The following CSMD1 variants were observed in gnomAD, a reference collection of about 807,000 sequenced individuals.
The protein encoded by CSMD1 is CUB and sushi domain-containing protein 1.
In CSMD1, 213 loss-of-function variants were observed where a neutral mutation model predicts 417.5. The observed-to-expected ratio is 0.51, with a 90% CI of 0.46 to 0.57. CSMD1 has a LOEUF of 0.57. Ranked by LOEUF, CSMD1 falls within the 20% of genes least tolerant of loss-of-function variation. The pLI is 0.00. For missense variants in CSMD1, 6,923 were observed against 4,529.7 expected (o/e 1.53, Z -15.17); for synonymous variants, 2,862 against 1,736.8 (o/e 1.65, Z -16.11).
At chr8:4,846,114 C>A (rs1343955208) in intron 1 of CSMD1, among the ~76,000 whole-genome samples, 1 of 152,154 alleles carries the variant, frequency 6.6e-6, no homozygotes, top group Non-Finnish European at 1.5e-5. Context: ...TTCCACGTGG[C>A]CATTGAGTAC....
chr8:4,930,867 G>T (rs749268318), intron 1 of CSMD1, among the ~76,000 whole-genome samples: 1 of 152,162 alleles, frequency 6.6e-6, no homozygotes. Flanking sequence ...TTAATAAAGG[G>T]TTCCCAGAAT....
chr8:4,693,209 C>T (rs1454326074), intron 1 of CSMD1, among the ~76,000 whole-genome samples: 1 of 152,192 alleles, frequency 6.6e-6, no homozygotes, highest in Non-Finnish European at 1.5e-5. Context: ...AGACACCATG[C>T]TCACCCCTTG....
chr8:4,664,260 G>A (rs1421010568), intron 1 of CSMD1, among the ~76,000 whole-genome samples: 5 of 152,186 alleles, frequency 3.3e-5, no homozygotes, highest in African/African-American at 7.2e-5. Context: ...TGTGTGACTA[G>A]TAAGAAGAGA....
chr8:4,405,490 T>A (rs988786329), intron 3 of CSMD1, among the ~76,000 whole-genome samples: 1 of 152,006 alleles, frequency 6.6e-6, no homozygotes, highest in Admixed American at 6.6e-5. Flanking sequence ...TGAAGTGAAG[T>A]CAATGTGCAA....
At chr8:3,074,953 T>C (rs564404320) in intron 49 of CSMD1, among the ~76,000 whole-genome samples, 8 of 152,264 alleles carry the variant, frequency 5.3e-5, no homozygotes, top group African/African-American at 1.9e-4. Context: ...AGGGAGGTGA[T>C]TGGATGATGG....
At chr8:3,066,059 T>C (rs1812918201) in intron 49 of CSMD1, among the ~76,000 whole-genome samples, 1 of 152,100 alleles carries the variant, frequency 6.6e-6, no homozygotes, top group Non-Finnish European at 1.5e-5. Context: ...TTCCAAAGGT[T>C]ACAGAAAAAT....
chr8:4,063,594 G>A (rs1004991386), intron 3 of CSMD1, among the ~76,000 whole-genome samples: 4 of 152,144 alleles, frequency 2.6e-5, no homozygotes, highest in Admixed American at 2.6e-4. Flanking sequence ...GCACTGACAA[G>A]GTGCCACGTA....
At chr8:4,666,174 C>T (rs1476036273) in intron 1 of CSMD1, among the ~76,000 whole-genome samples, 2 of 152,084 alleles carry the variant, frequency 1.3e-5, no homozygotes, top group Non-Finnish European at 2.9e-5. Flanking sequence ...GAATAATGAC[C>T]TCCCAAGGAT....
At position 3,612,898 on chromosome 8, in the gene CSMD1, G is replaced by C. The variant is rs115664835; in HGVS notation, c.1097+3812C>G. Among the ~76,000 whole-genome samples the C allele has an allele frequency of 6.1e-3, 934 of 152,122 alleles. 7 individuals are homozygous for C. The highest frequency in any genetic ancestry group is 0.02 in the African/African-American group (850 of 41,558). Reference sequence around the variant, plus strand: ...AAAAGAAGAACAAATGGAGCCCATAGTAAACAGAGGAAATAAATTAATAAG... The same window carrying C: ...AAAAGAAGAACAAATGGAGCCCATACTAAACAGAGGAAATAAATTAATAAG... On this transcript the variant is annotated intron_variant, in intron 8 of 69. Transcript: ENST00000635120.
intron 2 of CSMD1, among the ~76,000 whole-genome samples, chr8:4,602,131 C>T (rs547091914): frequency 1.8e-4 from 27 of 152,262 alleles, no homozygotes; most frequent in Non-Finnish European, 3.4e-4. Flanking sequence ...TCTTTCTGCT[C>T]CCCCAGTTCC....
At chr8:4,079,728 T>C (rs1385843631) in intron 3 of CSMD1, among the ~76,000 whole-genome samples, 1 of 152,196 alleles carries the variant, frequency 6.6e-6, no homozygotes, top group Non-Finnish European at 1.5e-5. Context: ...AATAGCCCAA[T>C]GGATATTTTT....
At chr8:3,565,678 A>G (rs1443291593) in intron 10 of CSMD1, among the ~76,000 whole-genome samples, 2 of 152,194 alleles carry the variant, frequency 1.3e-5, no homozygotes, top group South Asian at 2.1e-4. Flanking sequence ...TCTGATAAAC[A>G]TATCAGGATT....
intron 2 of CSMD1, among the ~76,000 whole-genome samples, chr8:4,485,623 A>T (rs1398702854): frequency 6.6e-6 from 1 of 152,148 alleles, no homozygotes; most frequent in Non-Finnish European, 1.5e-5. Flanking sequence ...GCTTTCTACT[A>T]TTAAAATTGA....
chr8:3,684,440 G>A (rs1218934604), intron 7 of CSMD1, among the ~76,000 whole-genome samples: 1 of 149,670 alleles, frequency 6.7e-6, no homozygotes, highest in African/African-American at 2.5e-5. Flanking sequence ...ATGACTCATA[G>A]TACTTAACAA....
At chr8:4,157,697 G>A (rs13270571) in intron 3 of CSMD1, among the ~76,000 whole-genome samples, 6 of 151,956 alleles carry the variant, frequency 3.9e-5, no homozygotes, top group Non-Finnish European at 7.4e-5. Flanking sequence ...AACCGGCCTT[G>A]GGTGGGTCTG....
At chr8:4,560,657 A>T (rs900665335) in intron 2 of CSMD1, among the ~76,000 whole-genome samples, 4 of 152,198 alleles carry the variant, frequency 2.6e-5, no homozygotes, top group African/African-American at 9.7e-5. Flanking sequence ...AAGACTTCTG[A>T]ATAAAACAAC....
chr8:4,943,027 G>C (rs1213526481), intron 1 of CSMD1, among the ~76,000 whole-genome samples: 1 of 152,132 alleles, frequency 6.6e-6, no homozygotes, highest in Non-Finnish European at 1.5e-5. Context: ...GGCTTTCTTT[G>C]AGGAAGACCA....
intron 41 of CSMD1, among the ~76,000 whole-genome samples, chr8:3,134,490 T>C (rs1817969091): frequency 6.6e-6 from 1 of 152,254 alleles, no homozygotes; most frequent in African/African-American, 2.4e-5. Context: ...CAGGCAGATC[T>C]GTCAGGTGTC....
intron 5 of CSMD1, among the ~76,000 whole-genome samples, chr8:3,754,664 A>C (rs912764802): frequency 1.3e-5 from 2 of 152,170 alleles, no homozygotes; most frequent in African/African-American, 2.4e-5. Flanking sequence ...CGTGTTGGCC[A>C]GGCTGGTCTC....
Sources: allele counts gnomAD v4.1 joint callset (sites outside exome capture counted in the v4.1 genomes callset), GRCh38; gene constraint gnomAD v4.1.1; transcripts MANE v1.5; gene names NCBI Gene and HGNC (gene_info 2026-07-23, HGNC 2026-07-21).